NCS1: variants seen among roughly 807,000 people sequenced by gnomAD.
NCS1 encodes neuronal calcium sensor 1.
A neutral mutation model predicts 28.4 loss-of-function variants in NCS1; 6 were observed. That is an observed-to-expected ratio of 0.21 (90% CI 0.12 to 0.42). The LOEUF (loss-of-function observed/expected upper bound fraction) is 0.42, where lower values mean the gene tolerates loss of function less well. Ranked by LOEUF, NCS1 falls within the 10% of genes least tolerant of loss-of-function variation. The pLI, the probability that NCS1 is intolerant of heterozygous loss-of-function variation, is 1.00. For missense variants in NCS1, 131 were observed against 241.4 expected (o/e 0.54, Z 3.03); for synonymous variants, 86 against 99.3 (o/e 0.87, Z 0.79).
In NCS1 at chr9:130,209,985, G is replaced by T. The variant is rs552393327; in HGVS notation, c.90-7847G>T. Among the ~76,000 whole-genome samples the T allele has an allele frequency of 2.6e-5, 4 of 152,180 alleles. 1 individual carries two copies. The highest frequency in any genetic ancestry group is 4.2e-4 in the South Asian group (2 of 4,816). ...ACCCCAAAGAGTTAAGACCCTGTTC[G>T]CGAACAAGGTTGTGTGAGGTGTGGC... On this transcript the variant is annotated intron_variant, in intron 2 of 7. Transcript: ENST00000372398. The surrounding 1 kb of genome is among the most constrained non-coding windows in gnomAD (Gnocchi z 4.4).
chr9:130,221,446 A>AGG (rs1833300734), intron 4 of NCS1, among the ~76,000 whole-genome samples: 2 of 142,434 alleles, frequency 1.4e-5, no homozygotes, highest in African/African-American at 5.1e-5. Flanking sequence ...AGAGAGAGAG[A>AGG]GAGAGAAAGA....
At chr9:130,189,715 G>A (rs2131125228) in intron 1 of NCS1, among the ~76,000 whole-genome samples, 2 of 151,490 alleles carry the variant, frequency 1.3e-5, no homozygotes, top group African/African-American at 4.9e-5. Context: ...GGTGGCGCGT[G>A]CCTATAATCC....
rs1554905084 is a variant in NCS1, at chr9:130,180,700, C to T, written c.64+7973C>T. On this transcript the variant is annotated intron_variant, in intron 1 of 7. Transcript: ENST00000372398. This position sits in a 1 kb window ranked among gnomAD's most constrained non-coding sequence, Gnocchi z 4.5. Reference sequence around the variant, plus strand: ...TGCGCATGAGACAGGGATGTTTGCACAGGGATCTGCACGTAGTAGGTGCTC... The same window carrying T: ...TGCGCATGAGACAGGGATGTTTGCATAGGGATCTGCACGTAGTAGGTGCTC... Among the ~76,000 whole-genome samples, 2 of 152,124 alleles carry T rather than the reference C, an allele frequency of 1.3e-5. No individual in the cohort carries two copies. Among genetic ancestry groups the T allele is most frequent in the Non-Finnish European group, 2.9e-5 (2 of 68,024 alleles).
At chr9:130,197,960 G>C (rs1554907014) in intron 1 of NCS1, among the ~76,000 whole-genome samples, 1 of 101,436 alleles carries the variant, frequency 9.9e-6, no homozygotes, top group South Asian at 4.4e-4. Context: ...GCAAGACTTT[G>C]TCTCCAGAAA....
Position 130,186,261 on chromosome 9 carries a change from G to T in NCS1, c.64+13534G>T, listed in dbSNP as rs548119708. ...GCATTCACAGTTTGGCGGGGAGGCA[G>T]ATGTCAGGCTGGGATAAGCGTCAAG... On this transcript the variant is annotated intron_variant, in intron 1 of 7. Coordinates refer to ENST00000372398, the MANE Select transcript of NCS1 (RefSeq NM_014286.4). The surrounding 1 kb of genome is among the most constrained non-coding windows in gnomAD (Gnocchi z 4.1). 1.5e-4 allele frequency among the ~76,000 whole-genome samples: 23 copies of T among 152,296 alleles called. 1 individual carries two copies. Among genetic ancestry groups the T allele is most frequent in the African/African-American group, 5.5e-4 (23 of 41,566 alleles).
chr9:130,173,833 G>T (rs1588104899), intron 1 of NCS1, among the ~76,000 whole-genome samples: 1 of 152,306 alleles, frequency 6.6e-6, no homozygotes, highest in Middle Eastern at 3.4e-3. Flanking sequence ...TCTGCTCCCC[G>T]CTTCCCCCCA....
chr9:130,176,138 T>TTTTCTTTCTTTTCTTTC (rs1832561054), intron 1 of NCS1, among the ~76,000 whole-genome samples: 1 of 102,218 alleles, frequency 9.8e-6, no homozygotes, highest in African/African-American at 3.9e-5. Flanking sequence ...TATTTGTTCA[T>TTTTCTTTCTTTTCTTTC]TTTCTTTCTT....
intron 2 of NCS1, among the ~76,000 whole-genome samples, chr9:130,211,010 A>ATTTTTTTTTTTT (rs34425557): frequency 2.2e-5 from 2 of 92,398 alleles, no homozygotes; most frequent in Non-Finnish European, 3.9e-5. Context: ...GGCTCCACTA[A>ATTTTTTTTTTTT]TTTTTTTTTT....
rs1022331500 is a variant in NCS1 at position 130,219,890 on chromosome 9, G to A, written c.307+87G>A. The A allele has an allele frequency of 1.4e-6, 2 of 1,384,406 alleles. No homozygotes were observed. Among genetic ancestry groups the A allele is most frequent in the Non-Finnish European group, 2.0e-6 (2 of 977,208 alleles). 85.8% of individuals were successfully genotyped at this position (1,384,406 alleles called of 1,614,324 possible). On this transcript the variant is annotated intron_variant, in intron 4 of 7. Coordinates refer to ENST00000372398, the MANE Select transcript of NCS1 (RefSeq NM_014286.4). This position sits in a 1 kb window ranked among gnomAD's most constrained non-coding sequence, Gnocchi z 5.7. ...AGCCCTCGGCCCTCACCAGGCAGGGGTGCCAGACACCCACTGCAGTGACCA... is the reference window on the plus strand; with the variant it reads ...AGCCCTCGGCCCTCACCAGGCAGGGATGCCAGACACCCACTGCAGTGACCA...
At chr9:130,210,062 G>T (rs113758914) in intron 2 of NCS1, among the ~76,000 whole-genome samples, 1 of 152,216 alleles carries the variant, frequency 6.6e-6, no homozygotes, top group South Asian at 2.1e-4. Flanking sequence ...GGCAGTGAGG[G>T]GTCTTGGTAC....
At chr9:130,174,790 C>CAAAAAAAAAAAAAAAA (rs34473694) in intron 1 of NCS1, among the ~76,000 whole-genome samples, 8 of 91,576 alleles carry the variant, frequency 8.7e-5, no homozygotes, top group South Asian at 3.9e-4. Flanking sequence ...ACTCTGTCTC[C>CAAAAAAAAAAAAAAAA]AAAAAAAAAA....
chr9:130,187,538 C>G (rs1241414314), intron 1 of NCS1, among the ~76,000 whole-genome samples: 1 of 152,188 alleles, frequency 6.6e-6, no homozygotes, highest in Non-Finnish European at 1.5e-5. Flanking sequence ...CTCCTGTGGT[C>G]CCTGCAGGAG....
At chr9:130,204,057 A>G (rs997059747) in intron 2 of NCS1, among the ~76,000 whole-genome samples, 5 of 152,120 alleles carry the variant, frequency 3.3e-5, no homozygotes, top group African/African-American at 7.2e-5. Flanking sequence ...CAGTGGCGCA[A>G]TCTCAGCTCA....
rs1833511639 is a variant in NCS1, at chr9:130,232,411, G to T, written c.*18-579G>T. 6.6e-6 allele frequency among the ~76,000 whole-genome samples: 1 copy of T among 152,208 alleles called. No homozygotes were observed. The highest frequency in any genetic ancestry group is 6.5e-5 in the Admixed American group (1 of 15,280). Reference sequence around the variant, plus strand: ...CCACTCCTCTGATACTGGACACTTAGATTGTTTTCTCTGCTTCCATTTTTG... The same window carrying T: ...CCACTCCTCTGATACTGGACACTTATATTGTTTTCTCTGCTTCCATTTTTG... On this transcript the variant is annotated intron_variant, in intron 7 of 7. Coordinates refer to ENST00000372398, the MANE Select transcript of NCS1 (RefSeq NM_014286.4). The surrounding 1 kb of genome is among the most constrained non-coding windows in gnomAD (Gnocchi z 4.4).
intron 4 of NCS1, among the ~76,000 whole-genome samples, chr9:130,221,876 TAC>T: frequency 2.1e-3 from 1 of 476 alleles, no homozygotes; most frequent in African/African-American, 4.4e-3. Context: ...TAAATATATA[TAC>T]ATAATACATA....
chr9:130,221,747 TATAA>T (rs1243175449), intron 4 of NCS1, among the ~76,000 whole-genome samples: 3 of 141,360 alleles, frequency 2.1e-5, no homozygotes, highest in African/African-American at 7.8e-5. Flanking sequence ...ATTTTTAATT[TATAA>T]ATAAATAAAT....
intron 7 of NCS1, among the ~76,000 whole-genome samples, chr9:130,231,570 G>C (rs1465699475): frequency 1.3e-5 from 2 of 151,890 alleles, no homozygotes; most frequent in Non-Finnish European, 2.9e-5. Flanking sequence ...TTTTAGTAGA[G>C]ATGGGGTTTC....
intron 3 of NCS1, among the ~76,000 whole-genome samples, 187 bp downstream of exon 3, chr9:130,218,157 CAAT>C (rs1465548453): frequency 6.6e-6 from 1 of 152,206 alleles, no homozygotes; most frequent in Non-Finnish European, 1.5e-5. Flanking sequence ...TGCAGACACA[CAAT>C]AAACACAGAT....
Position 130,204,243 on chromosome 9 carries a change from C to G in NCS1, c.89+3261C>G, listed in dbSNP as rs543433128. Among the ~76,000 whole-genome samples the G allele has an allele frequency of 3.3e-5, 5 of 152,048 alleles. No individual in the cohort carries two copies. In the South Asian group the frequency reaches 1.0e-3, roughly 32 times the overall value. On this transcript the variant is annotated intron_variant, in intron 2 of 7. Transcript: ENST00000372398. ...AACTCCTGAGCTCAAGTGATCTGCC[C>G]TCCTCGGCCTCCCAAAATGCTGGGA...
Sources: gnomAD v4.1 joint callset for allele counts (sites outside exome capture counted in the v4.1 genomes callset) on GRCh38, gnomAD v4.1.1 for gene constraint, Gnocchi (gnomAD v3.1) non-coding constraint, MANE v1.5 for transcripts, NCBI Gene and HGNC (gene_info 2026-07-23, HGNC 2026-07-21) for gene names.